DENND1A: variants seen among roughly 807,000 people sequenced by gnomAD.
DENND1A encodes DENN domain-containing protein 1A.
A neutral mutation model predicts 113.7 loss-of-function variants in DENND1A; 51 were observed. That is an observed-to-expected ratio of 0.45 (90% CI 0.36 to 0.57). The LOEUF (loss-of-function observed/expected upper bound fraction) is 0.57, where lower values mean the gene tolerates loss of function less well. DENND1A is among the 20% of genes least tolerant of loss of function. The probability of loss-of-function intolerance (pLI) is 0.00; values close to 1 mark genes in which losing one functional copy is unlikely to be tolerated. For missense variants in DENND1A, 1,258 were observed against 1,395.9 expected (o/e 0.90, Z 1.57); for synonymous variants, 565 against 570.8 (o/e 0.99, Z 0.14).
At chr9:123,709,820 G>A (rs965007542) in intron 5 of DENND1A, among the ~76,000 whole-genome samples, 2 of 152,220 alleles carry the variant, frequency 1.3e-5, no homozygotes, top group Admixed American at 6.5e-5. Flanking sequence ...GGAAAACCAA[G>A]ATTTCTTCAA....
At chr9:123,805,521 C>T (rs1835393499) in intron 2 of DENND1A, among the ~76,000 whole-genome samples, 2 of 151,576 alleles carry the variant, frequency 1.3e-5, no homozygotes, top group South Asian at 4.2e-4. Context: ...GCAACTTCTG[C>T]CTCCTGGGTT....
At chr9:123,403,693 T>C (rs1403421741) in intron 20 of DENND1A, 1 of 577,296 alleles carries the variant, frequency 1.7e-6, no homozygotes, top group Non-Finnish European at 3.1e-6. Flanking sequence ...TTCTGTGGCC[T>C]ATTCAAATCA....
At chr9:123,903,704 C>G (rs1024058481) in intron 1 of DENND1A, among the ~76,000 whole-genome samples, 91 of 152,344 alleles carry the variant, frequency 6.0e-4, no homozygotes, top group African/African-American at 2.1e-3. Context: ...TATCCCGCAC[C>G]TGGCTCAGAG....
intron 11 of DENND1A, among the ~76,000 whole-genome samples, chr9:123,606,141 T>A (rs10986072): frequency 0.088 from 13,356 of 152,076 alleles, 1,068 homozygotes; most frequent in African/African-American, 0.21. Context: ...ATAAGCCCCA[T>A]CAGAAAGCAC....
chr9:123,391,956 A>C (rs1216526431), intron 21 of DENND1A, among the ~76,000 whole-genome samples: 1 of 152,110 alleles, frequency 6.6e-6, no homozygotes, highest in African/African-American at 2.4e-5. Context: ...GCCGTCCGTC[A>C]TGGATCAGAC....
intron 7 of DENND1A, among the ~76,000 whole-genome samples, chr9:123,667,767 C>T (rs1200158863): frequency 6.6e-6 from 1 of 152,132 alleles, no homozygotes; most frequent in African/African-American, 2.4e-5. Context: ...CCAACCAAAC[C>T]TGTCATCTCA....
At chr9:123,475,522 GCAAAGTGTGGACA>G (rs1015100033) in intron 13 of DENND1A, among the ~76,000 whole-genome samples, 3 of 152,228 alleles carry the variant, frequency 2.0e-5, no homozygotes, top group African/African-American at 4.8e-5. Flanking sequence ...GGAAAGAAAA[GCAAAGTGTGGACA>G]CCCACTGAAG....
intron 5 of DENND1A, among the ~76,000 whole-genome samples, chr9:123,745,403 T>A (rs890462565): frequency 1.3e-5 from 2 of 152,238 alleles, no homozygotes; most frequent in Admixed American, 1.3e-4. Context: ...GTGAAGTGTA[T>A]GCTGGCGAGT....
chr9:123,734,841 T>G, intron 5 of DENND1A, among the ~76,000 whole-genome samples: 1 of 152,114 alleles, frequency 6.6e-6, no homozygotes, highest in Non-Finnish European at 1.5e-5. Context: ...GGAAAATAAT[T>G]TTTTTTATTT....
intron 1 of DENND1A, among the ~76,000 whole-genome samples, chr9:123,909,814 A>G (rs1853637178): frequency 1.3e-5 from 2 of 152,230 alleles, no homozygotes. Context: ...CATCATTAGA[A>G]TTAAGTACAT....
intron 8 of DENND1A, among the ~76,000 whole-genome samples, chr9:123,656,686 CAT>C (rs1334442077): frequency 6.6e-6 from 1 of 152,200 alleles, no homozygotes; most frequent in East Asian, 1.9e-4. Context: ...TTCTGTCAAA[CAT>C]GGTGTCCCTG....
chr9:123,671,991 T>C (rs1267639537), intron 6 of DENND1A, among the ~76,000 whole-genome samples: 1 of 152,252 alleles, frequency 6.6e-6, no homozygotes, highest in Non-Finnish European at 1.5e-5. Context: ...CACAGAATTA[T>C]CCAAATGCTA....
chr9:123,386,220 T>C (rs2042551646), intron 22 of DENND1A, among the ~76,000 whole-genome samples: 1 of 152,044 alleles, frequency 6.6e-6, no homozygotes. Context: ...ACAGAAATAA[T>C]AACTAATACA....
At chr9:123,455,487 C>A (rs1288692575) in intron 15 of DENND1A, among the ~76,000 whole-genome samples, 2 of 152,362 alleles carry the variant, frequency 1.3e-5, no homozygotes, top group East Asian at 1.9e-4. Flanking sequence ...GTCACCACGC[C>A]CTACTCTCTC....
At chr9:123,689,183 C>T (rs1233579776) in intron 5 of DENND1A, among the ~76,000 whole-genome samples, 3 of 152,072 alleles carry the variant, frequency 2.0e-5, no homozygotes, top group African/African-American at 7.2e-5. Context: ...TGCCACCATG[C>T]CCGGCTAAAT....
At chr9:123,656,385 C>G (rs2062947484) in intron 8 of DENND1A, among the ~76,000 whole-genome samples, 2 of 152,176 alleles carry the variant, frequency 1.3e-5, no homozygotes, top group African/African-American at 2.4e-5. Context: ...GGAGGCAGGA[C>G]AGTCAACTAA....
rs1410163368 is a variant in DENND1A at position 123,403,393 on chromosome 9, A to C, written c.1631+9T>G. 20 of 1,613,760 alleles carry C rather than the reference A, an allele frequency of 1.2e-5. No individual in the cohort carries two copies. Among genetic ancestry groups the C allele is most frequent in the Non-Finnish European group, 1.7e-5 (20 of 1,179,904 alleles). On this transcript the variant is annotated intron_variant, in intron 21 of 23. Coordinates refer to ENST00000394215, the MANE Select transcript of DENND1A (RefSeq NM_001352964.2). ...TCTTACAGACAGAGGGGAGAGGCACAATACTCACTGCTCAGGGCTCGGCAC... is the reference window on the plus strand; with the variant it reads ...TCTTACAGACAGAGGGGAGAGGCACCATACTCACTGCTCAGGGCTCGGCAC...
intron 19 of DENND1A, among the ~76,000 whole-genome samples, chr9:123,435,569 T>C (rs2046456957): frequency 6.6e-6 from 1 of 152,242 alleles, no homozygotes; most frequent in Admixed American, 6.5e-5. Flanking sequence ...TTTTGCAATC[T>C]ATCAGATTGG....
rs571907463 is a variant in DENND1A at position 123,495,586 on chromosome 9, A to G, written c.994-37689T>C. 1.4e-4 allele frequency among the ~76,000 whole-genome samples: 21 copies of G among 152,336 alleles called. No homozygotes were observed. In the East Asian group the frequency reaches 3.7e-3, roughly 27 times the overall value. ...TGGTCACAGCCCATGATACTTCTAC[A>G]TCTTGAGAGAACCCACCGATCAATA... On this transcript the variant is annotated intron_variant, in intron 13 of 23. Coordinates refer to ENST00000394215, the MANE Select transcript of DENND1A (RefSeq NM_001352964.2).
Sources: allele counts gnomAD v4.1 joint callset (sites outside exome capture counted in the v4.1 genomes callset), GRCh38; gene constraint gnomAD v4.1.1; transcripts MANE v1.5; gene names NCBI Gene and HGNC (gene_info 2026-07-23, HGNC 2026-07-21).